CD36: variants seen among roughly 807,000 people sequenced by gnomAD.
The protein encoded by CD36 is CD36 molecule (CD36 blood group).
CD36 carries 119 observed loss-of-function variants against 55.2 expected under a neutral mutation model. That is an observed-to-expected ratio of 2.15 (90% CI 1.86 to 2.51). CD36 has a LOEUF of 2.51. CD36 is among the 30% of genes most tolerant of loss of function. The probability of loss-of-function intolerance (pLI) is 0.00; values close to 1 mark genes in which losing one functional copy is unlikely to be tolerated. For missense variants in CD36, 819 were observed against 555.5 expected (o/e 1.47, Z -4.77); for synonymous variants, 186 against 193.6 (o/e 0.96, Z 0.33).
chr7:80,674,363 A>G, intron 14 of CD36: 1 of 504,470 alleles, frequency 2.0e-6, no homozygotes, highest in South Asian at 2.2e-5. Context: ...TAAAAGATGT[A>G]CTTGTGACCA....
At chr7:80,602,666 G>A (rs1395331318) in intron 1 of CD36, among the ~76,000 whole-genome samples, 3 of 151,982 alleles carry the variant, frequency 2.0e-5, no homozygotes, top group South Asian at 2.1e-4. Context: ...CTTAGAAAAC[G>A]TCAGAAAACC....
intron 1 of CD36, among the ~76,000 whole-genome samples, chr7:80,620,078 T>G (rs895984802): frequency 6.6e-6 from 1 of 152,070 alleles, no homozygotes; most frequent in Non-Finnish European, 1.5e-5. Context: ...ACTGTTGACA[T>G]GATGTGTAGG....
At chr7:80,641,154 G>A (rs144212115) in intron 1 of CD36, among the ~76,000 whole-genome samples, 92 of 152,010 alleles carry the variant, frequency 6.1e-4, no homozygotes, top group African/African-American at 2.2e-3. Context: ...TTTTATATTG[G>A]TATTGTGCAT....
chr7:80,635,749 G>A (rs1166708348), upstream of CD36, among the ~76,000 whole-genome samples: 2 of 152,006 alleles, frequency 1.3e-5, no homozygotes, highest in South Asian at 2.1e-4. Context: ...ATTCAGACTC[G>A]GATTCCATTC....
At chr7:80,648,722 A>G (rs1358333276) in intron 3 of CD36, among the ~76,000 whole-genome samples, 2 of 152,110 alleles carry the variant, frequency 1.3e-5, no homozygotes, top group East Asian at 3.9e-4. Flanking sequence ...ATGCTGTAAT[A>G]CTTTGAAAGA....
chr7:80,673,061 T>G, intron 12 of CD36: 1 of 554,766 alleles, frequency 1.8e-6, no homozygotes, highest in South Asian at 2.5e-5. Context: ...GCATCTCTTA[T>G]TTTGTTAGCT....
intron 10 of CD36, among the ~76,000 whole-genome samples, 200 bp from the exon 11 acceptor site, chr7:80,671,722 T>C (rs1287778235): frequency 6.6e-6 from 1 of 152,048 alleles, no homozygotes. Flanking sequence ...GACATATTAC[T>C]GCCTGAAAGC....
chr7:80,623,173 G>A (rs1793564503), intron 1 of CD36, among the ~76,000 whole-genome samples: 3 of 152,048 alleles, frequency 2.0e-5, no homozygotes, highest in South Asian at 2.1e-4. Context: ...CTAAATTTTG[G>A]ACTTCTATTA....
chr7:80,672,015 A>G lies in CD36; in HGVS notation c.1100A>G (p.His367Arg), dbSNP rs371884082. The G allele has an allele frequency of 5.6e-6, 9 of 1,608,460 alleles. No homozygotes were observed. In the African/African-American group the frequency reaches 6.7e-5, roughly 12 times the overall value. Reference protein sequence around the residue: ...IDGLNPNEEEHRTYLDIEPIT... With the variant: ...IDGLNPNEEERRTYLDIEPIT... ...GGATTAAACCCAAATGAAGAAGAAC[A>G]TAGGACATACTTGGATATTGAACCT... The change falls in exon 11 of 15, where the codon CAT (histidine) becomes CGT (arginine). Residue 367 changes from histidine (H) to arginine (R), a missense_variant. His to Arg is a conservative substitution (Grantham distance 29). Coordinates refer to ENST00000447544, the MANE Select transcript of CD36 (RefSeq NM_001001548.3).
intron 1 of CD36, among the ~76,000 whole-genome samples, chr7:80,644,015 G>A (rs1463123900): frequency 6.6e-6 from 1 of 152,132 alleles, no homozygotes; most frequent in Non-Finnish European, 1.5e-5. Context: ...CAGAACACCA[G>A]CATGACATTC....
At chr7:80,634,847 G>T (rs567589623), upstream of CD36, among the ~76,000 whole-genome samples, 1 of 151,532 alleles carries the variant, frequency 6.6e-6, no homozygotes, top group African/African-American at 2.4e-5. Context: ...TTCAAAGCAT[G>T]ATACAATCCT....
At chr7:80,622,967 A>T (rs1337691413) in intron 1 of CD36, among the ~76,000 whole-genome samples, 1 of 150,944 alleles carries the variant, frequency 6.6e-6, no homozygotes, top group Non-Finnish European at 1.5e-5. Flanking sequence ...ACAACAGGCT[A>T]TCTCTGAACT....
intron 7 of CD36, among the ~76,000 whole-genome samples, chr7:80,665,750 G>T (rs1584438334): frequency 6.6e-6 from 1 of 152,102 alleles, no homozygotes; most frequent in African/African-American, 2.4e-5. Flanking sequence ...GCAATGGCTT[G>T]TCTTGACATG....
intron 3 of CD36, among the ~76,000 whole-genome samples, chr7:80,654,579 G>A (rs3211853): frequency 7.9e-5 from 12 of 152,086 alleles, no homozygotes; most frequent in African/African-American, 2.4e-4. Flanking sequence ...TATCCATAAT[G>A]CTTTAAGCAA....
At chr7:80,665,587 A>T (rs560408745) in intron 7 of CD36, among the ~76,000 whole-genome samples, 1 of 152,252 alleles carries the variant, frequency 6.6e-6, no homozygotes, top group African/African-American at 2.4e-5. Context: ...ATATTGAGAA[A>T]TAACGAGCAT....
intron 1 of CD36, among the ~76,000 whole-genome samples, chr7:80,640,813 A>G (rs571537526): frequency 6.6e-6 from 1 of 152,204 alleles, no homozygotes; most frequent in South Asian, 2.1e-4. Flanking sequence ...CAATGTATTT[A>G]TTGCATTAGT....
chr7:80,603,263 C>A (rs1484621692), intron 1 of CD36, among the ~76,000 whole-genome samples: 1 of 152,034 alleles, frequency 6.6e-6, no homozygotes, highest in East Asian at 1.9e-4. Context: ...CCTTCTGTTT[C>A]TCCATGCTAT....
intron 4 of CD36, among the ~76,000 whole-genome samples, chr7:80,659,244 T>A (rs3211879): frequency 0.073 from 11,076 of 152,192 alleles, 422 homozygotes; most frequent in Middle Eastern, 0.12. Context: ...CCATCTGACA[T>A]TGGAAGTATG....
intron 5 of CD36, 97 bp downstream of exon 5, chr7:80,661,307 C>A: frequency 1.7e-6 from 2 of 1,198,564 alleles, no homozygotes; most frequent in East Asian, 2.5e-5. Flanking sequence ...CTTGTTTTTC[C>A]ATTTTTATCA....
Sources: gnomAD v4.1 joint callset for allele counts (sites outside exome capture counted in the v4.1 genomes callset) on GRCh38, gnomAD v4.1.1 for gene constraint, MANE v1.5 for transcripts, NCBI Gene and HGNC (gene_info 2026-07-23, HGNC 2026-07-21) for gene names.